The following UBE2E1 variants were observed in gnomAD, a reference collection of about 807,000 sequenced individuals.
The protein encoded by UBE2E1 is ubiquitin conjugating enzyme E2 E1, also known as ubiquitin-conjugating enzyme E2 E1.
Under a neutral mutation model 21.4 loss-of-function variants are expected in UBE2E1, and 6 were observed. The observed-to-expected ratio is 0.28, with a 90% CI of 0.15 to 0.55. The LOEUF (loss-of-function observed/expected upper bound fraction) is 0.55. Among genes scored for constraint, UBE2E1 ranks in the 20% least tolerant of loss-of-function variants. The pLI is 0.93. For missense variants in UBE2E1, 142 were observed against 236.5 expected (o/e 0.60, Z 2.62); for synonymous variants, 87 against 82.7 (o/e 1.05, Z -0.28).
chr3:23,849,137 G>A (rs545633379), intron 3 of UBE2E1, among the ~76,000 whole-genome samples: 6 of 152,160 alleles, frequency 3.9e-5, no homozygotes, highest in South Asian at 2.1e-4. Flanking sequence ...ACCTGGGAGT[G>A]GTTTTGCTGG....
intron 3 of UBE2E1, among the ~76,000 whole-genome samples, chr3:23,822,703 G>C (rs1413133052): frequency 2.6e-5 from 4 of 152,186 alleles, no homozygotes; most frequent in African/African-American, 9.6e-5. Flanking sequence ...TACATGCTTT[G>C]ATTTGCATCG....
chr3:23,864,643 ATAT>A (rs1700616745), intron 3 of UBE2E1, among the ~76,000 whole-genome samples: 1 of 151,904 alleles, frequency 6.6e-6, no homozygotes, highest in African/African-American at 2.4e-5. Context: ...GTCTCTCTGG[ATAT>A]TAATAAGTTT....
intron 3 of UBE2E1, among the ~76,000 whole-genome samples, chr3:23,874,491 A>G (rs943669745): frequency 3.3e-5 from 5 of 152,216 alleles, no homozygotes; most frequent in Non-Finnish European, 7.3e-5. Context: ...ACTCATTCAA[A>G]TAGCAGTTTT....
intron 3 of UBE2E1, among the ~76,000 whole-genome samples, chr3:23,832,086 A>T (rs1484102093): frequency 2.0e-5 from 3 of 152,256 alleles, no homozygotes; most frequent in African/African-American, 4.8e-5. Flanking sequence ...TCAATACTTT[A>T]AGCTCTGTGA....
chr3:23,815,446 C>CA (rs1340052474), intron 3 of UBE2E1, among the ~76,000 whole-genome samples: 1 of 152,164 alleles, frequency 6.6e-6, no homozygotes, highest in Non-Finnish European at 1.5e-5. Flanking sequence ...GAGTAAAAGG[C>CA]AAAAGATAGT....
intron 3 of UBE2E1, among the ~76,000 whole-genome samples, chr3:23,861,520 G>T (rs967172867): frequency 6.6e-6 from 1 of 152,168 alleles, no homozygotes; most frequent in Non-Finnish European, 1.5e-5. Context: ...CAGCCTTCAC[G>T]TCCAAATGTT....
rs1357921230 is a variant in UBE2E1 at position 23,823,689 on chromosome 3, C to G, written c.203+12179C>G. ...AAACATTTGTTTTATTACAAGCACC[C>G]AGGAGGATTTTTTATAAACATGAAA... On this transcript the variant is annotated intron_variant, in intron 3 of 5. Coordinates refer to ENST00000306627, the MANE Select transcript of UBE2E1 (RefSeq NM_003341.5). The surrounding 1 kb of genome is among the most constrained non-coding windows in gnomAD (Gnocchi z 4.2). 2.0e-5 allele frequency among the ~76,000 whole-genome samples: 3 copies of G among 152,124 alleles called. No individual in the cohort carries two copies. The highest frequency in any genetic ancestry group is 1.3e-4 in the Admixed American group (2 of 15,266).
At chr3:23,890,099 C>CT (rs1369283288) in intron 5 of UBE2E1, among the ~76,000 whole-genome samples, 3 of 152,158 alleles carry the variant, frequency 2.0e-5, no homozygotes, top group Non-Finnish European at 2.9e-5. Flanking sequence ...GCCCCGAAGA[C>CT]TTCACAGTAT....
intron 3 of UBE2E1, among the ~76,000 whole-genome samples, chr3:23,848,157 C>CTTTAA (rs1700246661): frequency 6.6e-6 from 1 of 152,154 alleles, no homozygotes; most frequent in Non-Finnish European, 1.5e-5. Context: ...AAGTAACTTG[C>CTTTAA]TTTAAGGAAA....
chr3:23,830,450 G>A (rs909307440), intron 3 of UBE2E1, among the ~76,000 whole-genome samples: 1 of 103,788 alleles, frequency 9.6e-6, no homozygotes, highest in Non-Finnish European at 2.1e-5. Flanking sequence ...TTTTTGGCAA[G>A]CTGAAGTCAT....
At chr3:23,831,547 C>G (rs889020656) in intron 3 of UBE2E1, among the ~76,000 whole-genome samples, 2 of 145,890 alleles carry the variant, frequency 1.4e-5, no homozygotes, top group Non-Finnish European at 3.0e-5. Flanking sequence ...GACATGGTCC[C>G]ACTCTGTTGC....
In UBE2E1 at chr3:23,855,460, T is replaced by C. The variant is rs1039802247; in HGVS notation, c.204-32107T>C. 3.0e-4 allele frequency among the ~76,000 whole-genome samples: 46 copies of C among 152,328 alleles called. 1 individual carries two copies. Among genetic ancestry groups the C allele is most frequent in the African/African-American group, 1.1e-3 (44 of 41,570 alleles). On this transcript the variant is annotated intron_variant, in intron 3 of 5. Transcript: ENST00000306627. ...CTTTAGATTTTTGTGACAGCCGTTA[T>C]TAATACATAGTTAAGCAGTCATTAT...
intron 3 of UBE2E1, among the ~76,000 whole-genome samples, chr3:23,849,670 C>A (rs1181138720): frequency 6.6e-6 from 1 of 152,168 alleles, no homozygotes; most frequent in Non-Finnish European, 1.5e-5. Flanking sequence ...ATCCATGTTG[C>A]TGCAAATAAC....
At chr3:23,833,489 A>G (rs1029999424) in intron 3 of UBE2E1, among the ~76,000 whole-genome samples, 2 of 152,218 alleles carry the variant, frequency 1.3e-5, no homozygotes, top group Admixed American at 6.5e-5. Context: ...GAAGATACAA[A>G]TAAACACTGA....
chr3:23,830,815 C>A (rs1699852139), intron 3 of UBE2E1, among the ~76,000 whole-genome samples: 1 of 152,136 alleles, frequency 6.6e-6, no homozygotes, highest in Non-Finnish European at 1.5e-5. Flanking sequence ...ATTTAGATCC[C>A]CCTTGGAGGT....
intron 3 of UBE2E1, among the ~76,000 whole-genome samples, chr3:23,857,990 T>C (rs938941166): frequency 6.6e-6 from 1 of 151,906 alleles, no homozygotes; most frequent in African/African-American, 2.4e-5. Flanking sequence ...CCTGGCTAAT[T>C]TTTGTATTTT....
At chr3:23,872,871 G>A (rs1173815607) in intron 3 of UBE2E1, among the ~76,000 whole-genome samples, 1 of 152,058 alleles carries the variant, frequency 6.6e-6, no homozygotes, top group African/African-American at 2.4e-5. Context: ...ACAAAAATTA[G>A]TCGGGCGTGG....
At chr3:23,890,465 GTTC>G in intron 5 of UBE2E1, 41 bp from the exon 6 acceptor site, 1 of 1,587,160 alleles carries the variant, frequency 6.3e-7, no homozygotes, top group Non-Finnish European at 8.6e-7. Context: ...AGTTTAAAAT[GTTC>G]TTTTCCTTTC....
intron 3 of UBE2E1, among the ~76,000 whole-genome samples, chr3:23,856,598 TAGTAAAGCCACTATG>T (rs1196462307): frequency 2.0e-5 from 3 of 152,210 alleles, no homozygotes; most frequent in South Asian, 2.1e-4. Context: ...CATTAATGCT[TAGTAAAGCCACTATG>T]GACCTCACGT....
Sources: gnomAD v4.1 joint callset for allele counts (sites outside exome capture counted in the v4.1 genomes callset) on GRCh38, gnomAD v4.1.1 for gene constraint, Gnocchi (gnomAD v3.1) non-coding constraint, MANE v1.5 for transcripts, NCBI Gene and HGNC (gene_info 2026-07-23, HGNC 2026-07-21) for gene names.